Variants in PRUNE2 observed in about 807,000 individuals in gnomAD.
PRUNE2 encodes protein prune homolog 2.
In PRUNE2, 164 loss-of-function variants were observed where a neutral mutation model predicts 252.0. That is an observed-to-expected ratio of 0.65 (90% CI 0.57 to 0.74). The LOEUF is 0.74. Ranked by LOEUF, PRUNE2 falls within the 30% of genes least tolerant of loss-of-function variation. The pLI is 0.00. For missense variants in PRUNE2, 3,495 were observed against 3,711.0 expected (o/e 0.94, Z 1.51); for synonymous variants, 1,292 against 1,350.2 (o/e 0.96, Z 0.94).
chr9:76,880,702 C>T (rs2061723544), intron 1 of PRUNE2, among the ~76,000 whole-genome samples: 2 of 152,112 alleles, frequency 1.3e-5, no homozygotes, highest in African/African-American at 2.4e-5. Context: ...ATTTTGAAGA[C>T]GAAGCATTAT....
intron 9 of PRUNE2, among the ~76,000 whole-genome samples, chr9:76,694,790 C>T (rs553240239): frequency 6.6e-6 from 1 of 151,978 alleles, no homozygotes; most frequent in East Asian, 1.9e-4. Flanking sequence ...AGAATTACTG[C>T]TTAACTGCAG....
intron 1 of PRUNE2, among the ~76,000 whole-genome samples, chr9:76,896,317 T>A (rs149702454): frequency 6.6e-6 from 1 of 152,314 alleles, no homozygotes; most frequent in East Asian, 1.9e-4. Flanking sequence ...ACAAGTATCA[T>A]CTCGCAAATA....
At chr9:76,851,841 A>T (rs1038469066) in intron 2 of PRUNE2, among the ~76,000 whole-genome samples, 1 of 152,234 alleles carries the variant, frequency 6.6e-6, no homozygotes, top group Non-Finnish European at 1.5e-5. Context: ...TTGTAGTCAC[A>T]ATAATAAACT....
At chr9:76,638,871 A>G (rs910730509) in intron 12 of PRUNE2, among the ~76,000 whole-genome samples, 1 of 152,254 alleles carries the variant, frequency 6.6e-6, no homozygotes, top group African/African-American at 2.4e-5. Flanking sequence ...CGAGGCCTGC[A>G]GTGCCCCTGG....
At chr9:76,625,078 G>C (rs1205551676) in intron 16 of PRUNE2, 6 of 1,299,826 alleles carry the variant, frequency 4.6e-6, no homozygotes, top group Non-Finnish European at 5.1e-6. Context: ...TAAAAAACGA[G>C]TGCCATAAGG....
At chr9:76,807,579 T>C (rs1464436838) in intron 6 of PRUNE2, among the ~76,000 whole-genome samples, 1 of 152,194 alleles carries the variant, frequency 6.6e-6, no homozygotes, top group Non-Finnish European at 1.5e-5. Context: ...AGCAGAGTGG[T>C]AAAAATGGAT....
chr9:76,659,437 C>T (rs59087160), intron 9 of PRUNE2, among the ~76,000 whole-genome samples: 1,946 of 152,284 alleles, frequency 0.013, 42 homozygotes, highest in African/African-American at 0.043. Flanking sequence ...TTCTATAAGA[C>T]TGAGTATTAA....
intron 9 of PRUNE2, among the ~76,000 whole-genome samples, chr9:76,664,573 C>T (rs771597619): frequency 7.9e-5 from 12 of 152,106 alleles, no homozygotes; most frequent in South Asian, 4.1e-4. Flanking sequence ...CAGGCTGGAG[C>T]GCAATGGAGC....
Position 76,707,483 on chromosome 9 carries a change from G to C in PRUNE2, c.4791C>G (p.Thr1597=). 6.2e-7 allele frequency: 1 copy of C among 1,613,686 alleles called. No individual in the cohort carries two copies. Among genetic ancestry groups the C allele is most frequent in the Non-Finnish European group, 8.5e-7 (1 of 1,179,778 alleles). Residue 1597 remains threonine (T), a synonymous_variant, in exon 8 of 19, where the codon ACC becomes ACG. Transcript: ENST00000376718. ...ITTDGQVEIV[T]KVKDLEKNRI... Reference sequence around the variant, plus strand: ...TGTTTTTCTCTAAATCCTTCACTTTGGTAACTATTTCTACTTGGCCATCAG... The same window carrying C: ...TGTTTTTCTCTAAATCCTTCACTTTCGTAACTATTTCTACTTGGCCATCAG...
intron 9 of PRUNE2, among the ~76,000 whole-genome samples, chr9:76,676,393 T>C (rs1301788988): frequency 6.6e-6 from 1 of 151,786 alleles, no homozygotes; most frequent in African/African-American, 2.4e-5. Flanking sequence ...TGTATTGACA[T>C]AGAATGGTAT....
intron 11 of PRUNE2, among the ~76,000 whole-genome samples, chr9:76,650,554 GTCC>G (rs1379963697): frequency 1.7e-4 from 26 of 152,078 alleles, no homozygotes; most frequent in African/African-American, 6.0e-4. Context: ...ACTTATCCAT[GTCC>G]TCATGTTTAC....
intron 4 of PRUNE2, among the ~76,000 whole-genome samples, chr9:76,833,758 C>A (rs2058799005): frequency 6.7e-6 from 1 of 149,206 alleles, no homozygotes; most frequent in African/African-American, 2.5e-5. Context: ...GAGCAAGACT[C>A]CATAAAAAAA....
At chr9:76,785,959 A>G (rs2054931828) in intron 6 of PRUNE2, 1 of 152,200 alleles carries the variant, frequency 6.6e-6, no homozygotes, top group African/African-American at 2.4e-5. Context: ...GACAACCACA[A>G]TATGCATAAA....
At chr9:76,899,775 CTT>C (rs2063060567) in intron 1 of PRUNE2, among the ~76,000 whole-genome samples, 1 of 152,210 alleles carries the variant, frequency 6.6e-6, no homozygotes, top group Non-Finnish European at 1.5e-5. Context: ...AAATACCTGA[CTT>C]AGACTCAAGA....
intron 1 of PRUNE2, among the ~76,000 whole-genome samples, chr9:76,866,879 G>A (rs1449450170): frequency 6.6e-6 from 1 of 151,980 alleles, no homozygotes; most frequent in Non-Finnish European, 1.5e-5. Context: ...AAGGGAGGGA[G>A]GAGGGAGGGA....
Position 76,703,765 on chromosome 9 carries a change from A to G in PRUNE2, c.7848T>C (p.Ser2616=). Residue 2616 remains serine, a synonymous_variant, in exon 9 of 19, where the codon TCT becomes TCC. Transcript: ENST00000376718. The stretch of plus-strand genomic sequence containing the variant: ...CAAAAGATGATCTCGTATCGCTTTT[A>G]GAAGACATTTTCTCTGCAGAGAGAC... ...RKGLSAEKMS[S]KSDTRSSFES... The G allele has an allele frequency of 6.2e-7, 1 of 1,613,810 alleles. No individual in the cohort carries two copies. Among genetic ancestry groups the G allele is most frequent in the East Asian group, 2.2e-5 (1 of 44,882 alleles).
intron 6 of PRUNE2, among the ~76,000 whole-genome samples, chr9:76,768,404 G>A (rs983846624): frequency 3.9e-5 from 6 of 152,018 alleles, no homozygotes; most frequent in African/African-American, 1.5e-4. Context: ...TGTTGGCCAA[G>A]CTGGTCTCAA....
intron 9 of PRUNE2, among the ~76,000 whole-genome samples, chr9:76,689,799 T>C (rs961913892): frequency 6.6e-6 from 1 of 152,224 alleles, no homozygotes; most frequent in Admixed American, 6.5e-5. Context: ...TTTCTGCCTG[T>C]AAACTCAAGA....
intron 18 of PRUNE2, among the ~76,000 whole-genome samples, chr9:76,618,441 C>A (rs1252563517): frequency 2.0e-5 from 3 of 152,242 alleles, no homozygotes; most frequent in African/African-American, 7.2e-5. Flanking sequence ...ATGTTAAATT[C>A]TCCACAACTC....
Sources: gnomAD v4.1 joint callset for allele counts (sites outside exome capture counted in the v4.1 genomes callset) on GRCh38, gnomAD v4.1.1 for gene constraint, MANE v1.5 for transcripts, NCBI Gene and HGNC (gene_info 2026-07-23, HGNC 2026-07-21) for gene names.